MIPOL1: variants seen among roughly 807,000 people sequenced by gnomAD.
MIPOL1 encodes the protein mirror-image polydactyly 1.
In MIPOL1, 57 loss-of-function variants were observed where a neutral mutation model predicts 60.9. That is an observed-to-expected ratio of 0.94 (90% confidence interval 0.76 to 1.17). The LOEUF (loss-of-function observed/expected upper bound fraction) is 1.17, where lower values mean the gene tolerates loss of function less well. Among genes scored for constraint, MIPOL1 ranks in the 50% most tolerant of loss-of-function variants. MIPOL1 has a pLI of 0.00. For missense variants in MIPOL1, 551 were observed against 511.6 expected (o/e 1.08, Z -0.74); for synonymous variants, 179 against 168.8 (o/e 1.06, Z -0.47).
At chr14:37,360,196 T>A (rs887923492) in intron 9 of MIPOL1, among the ~76,000 whole-genome samples, 1 of 152,172 alleles carries the variant, frequency 6.6e-6, no homozygotes, top group Non-Finnish European at 1.5e-5. Flanking sequence ...GATAAGCTTT[T>A]TGATGTGCTG....
chr14:37,211,619 A>G (rs1469647289), intron 1 of MIPOL1, among the ~76,000 whole-genome samples: 1 of 152,082 alleles, frequency 6.6e-6, no homozygotes, highest in East Asian at 1.9e-4. Flanking sequence ...GTCTCCATAT[A>G]AACTTGAAAG....
At chr14:37,509,279 C>T (rs767072350) in intron 12 of MIPOL1, among the ~76,000 whole-genome samples, 1 of 151,948 alleles carries the variant, frequency 6.6e-6, no homozygotes, top group Non-Finnish European at 1.5e-5. Context: ...TTCCTGCCTC[C>T]TCTGACAATT....
At chr14:37,334,372 A>G (rs1048355918) in intron 9 of MIPOL1, among the ~76,000 whole-genome samples, 15 of 152,020 alleles carry the variant, frequency 9.9e-5, no homozygotes, top group Non-Finnish European at 1.9e-4. Context: ...GAGTTATGCT[A>G]TCTGATTTTA....
At chr14:37,330,873 T>G (rs1156743663) in intron 9 of MIPOL1, among the ~76,000 whole-genome samples, 1 of 152,064 alleles carries the variant, frequency 6.6e-6, no homozygotes, top group Non-Finnish European at 1.5e-5. Flanking sequence ...GATAAATTAG[T>G]TTTTGTGACT....
chr14:37,394,067 T>TATATATATAG (rs2093319162), intron 10 of MIPOL1, among the ~76,000 whole-genome samples: 1 of 132,622 alleles, frequency 7.5e-6, no homozygotes, highest in Non-Finnish European at 1.6e-5. Flanking sequence ...CATATATATA[T>TATATATATAG]ATATATATAT....
rs865964993 is a variant in MIPOL1, at chr14:37,525,552, A to G, written c.1263-21353A>G. Among the ~76,000 whole-genome samples, 4 of 152,348 alleles carry G rather than the reference A, an allele frequency of 2.6e-5. No individual in the cohort carries two copies. The South Asian group carries it at 8.3e-4, about 32-fold the overall frequency. On this transcript the variant is annotated intron_variant, in intron 12 of 12. Transcript: ENST00000684589. ...TACTAAAGGAATAACACAGAACCTA[A>G]TCAGATCCATATCCCTCACTTAAAA...
At chr14:37,474,581 G>T (rs2094740348) in intron 11 of MIPOL1, among the ~76,000 whole-genome samples, 1 of 152,174 alleles carries the variant, frequency 6.6e-6, no homozygotes, top group South Asian at 2.1e-4. Flanking sequence ...CTAGCCATGT[G>T]TAACTGTGAG....
intron 12 of MIPOL1, among the ~76,000 whole-genome samples, chr14:37,528,824 G>A (rs2095463504): frequency 6.6e-6 from 1 of 152,134 alleles, no homozygotes; most frequent in Non-Finnish European, 1.5e-5. Flanking sequence ...AAAAGGCAGT[G>A]TGTGTCCCAT....
intron 12 of MIPOL1, among the ~76,000 whole-genome samples, chr14:37,518,968 C>CT (rs1236893065): frequency 2.0e-5 from 3 of 152,024 alleles, no homozygotes; most frequent in African/African-American, 7.2e-5. Context: ...ATCTTAGAGT[C>CT]TACAAACGTA....
intron 9 of MIPOL1, among the ~76,000 whole-genome samples, chr14:37,328,202 A>G (rs919910939): frequency 6.6e-6 from 1 of 151,988 alleles, no homozygotes; most frequent in Non-Finnish European, 1.5e-5. Context: ...TTTAGTAGAG[A>G]TGGGGTTTCA....
chr14:37,290,285 A>T (rs2084942653), intron 7 of MIPOL1, among the ~76,000 whole-genome samples: 1 of 151,990 alleles, frequency 6.6e-6, no homozygotes, highest in South Asian at 2.1e-4. Context: ...GAGAACAGTG[A>T]CGTGATCTCG....
chr14:37,207,946 T>C lies in MIPOL1; in HGVS notation c.-199+9842T>C, dbSNP rs554186145. On this transcript the variant is annotated intron_variant, in intron 1 of 12. Transcript: ENST00000684589. ...TTATAATTTAATTGCTAGGTGTTTG[T>C]TTTATTTCTAAGCTGGCAACGTAAA... 5.9e-5 allele frequency among the ~76,000 whole-genome samples: 9 copies of C among 152,348 alleles called. No individual in the cohort carries two copies. The East Asian group carries it at 1.2e-3, about 20-fold the overall frequency.
chr14:37,260,122 C>T (rs1240970593), intron 3 of MIPOL1, among the ~76,000 whole-genome samples: 2 of 151,544 alleles, frequency 1.3e-5, no homozygotes, highest in Non-Finnish European at 2.9e-5. Flanking sequence ...TTCAGTATTT[C>T]TGGCCAGATG....
intron 11 of MIPOL1, among the ~76,000 whole-genome samples, chr14:37,457,760 T>C (rs1222405342): frequency 6.6e-6 from 1 of 152,218 alleles, no homozygotes; most frequent in East Asian, 1.9e-4. Context: ...TATGTCCTTG[T>C]TCTTGTCTTT....
chr14:37,299,385 C>G (rs940257608), intron 7 of MIPOL1, among the ~76,000 whole-genome samples: 1 of 152,000 alleles, frequency 6.6e-6, no homozygotes, highest in Non-Finnish European at 1.5e-5. Flanking sequence ...CACATGTATA[C>G]ATATGTAACA....
At chr14:37,276,909 T>A (rs2083702083) in intron 6 of MIPOL1, 1 of 151,222 alleles carries the variant, frequency 6.6e-6, no homozygotes, top group Non-Finnish European at 1.5e-5. Flanking sequence ...ATTATATTAC[T>A]GTCTTTGGCT....
rs2084469447 is a variant in MIPOL1, at chr14:37,285,406, A to G, written c.582A>G (p.Glu194=). 25 of 1,614,010 alleles carry G rather than the reference A, an allele frequency of 1.5e-5. No homozygotes were observed. Among genetic ancestry groups the G allele is most frequent in the Non-Finnish European group, 2.1e-5 (25 of 1,179,962 alleles). Residue 194 remains glutamate, a synonymous_variant, in exon 7 of 13, where the codon GAA becomes GAG. Transcript: ENST00000684589. ...RLQLAIEERD[E]AIARAKHMEM... Reference sequence around the variant, plus strand: ...AATTAGCCATTGAGGAGAGAGATGAAGCAATTGCACGAGCCAAGCATATGG... The same window carrying G: ...AATTAGCCATTGAGGAGAGAGATGAGGCAATTGCACGAGCCAAGCATATGG...
In MIPOL1 at chr14:37,474,416, C is replaced by T. The variant is rs185545277; in HGVS notation, c.1032-25492C>T. On this transcript the variant is annotated intron_variant, in intron 11 of 12. Transcript: ENST00000684589. ...GTGGGAGGTAATTGAATCATGGGAG[C>T]GGATTTTTACCATGGTGTTCTCGTG... 1.8e-4 allele frequency among the ~76,000 whole-genome samples: 28 copies of T among 152,100 alleles called. No individual in the cohort carries two copies. The East Asian group carries it at 3.1e-3, about 17-fold the overall frequency.
chr14:37,376,543 A>G (rs982804403), intron 10 of MIPOL1, among the ~76,000 whole-genome samples: 5 of 151,654 alleles, frequency 3.3e-5, no homozygotes, highest in Admixed American at 1.3e-4. Context: ...CTCTTGCTCA[A>G]AAAAAAATCA....
Sources: gnomAD v4.1 joint callset for allele counts (sites outside exome capture counted in the v4.1 genomes callset) on GRCh38, gnomAD v4.1.1 for gene constraint, MANE v1.5 for transcripts, NCBI Gene and HGNC (gene_info 2026-07-23, HGNC 2026-07-21) for gene names.